Variants in PECR observed in about 807,000 individuals in gnomAD.
PECR encodes the protein 2,4-dienoyl-CoA reductase-related protein.
A neutral mutation model predicts 35.3 loss-of-function variants in PECR; 30 were observed. That is an observed-to-expected ratio of 0.85 (90% CI 0.64 to 1.15). The LOEUF is 1.15. Ranked by LOEUF, PECR falls within the 50% of genes most tolerant of loss-of-function variation. The pLI, the probability that PECR is intolerant of heterozygous loss-of-function variation, is 0.00. For synonymous variants in PECR, 148 were observed against 138.9 expected (o/e 1.07, Z -0.46); for missense variants, 392 against 370.8 (o/e 1.06, Z -0.47).
At chr2:216,033,488 A>T (rs1384560339), downstream of PECR, among the ~76,000 whole-genome samples, 2 of 152,114 alleles carry the variant, frequency 1.3e-5, no homozygotes, top group Admixed American at 6.6e-5. Context: ...AAGAGCCCTG[A>T]AGGAACTGGC....
intron 7 of PECR, among the ~76,000 whole-genome samples, chr2:216,043,672 A>T (rs1488422714): frequency 3.3e-5 from 5 of 152,128 alleles, no homozygotes; most frequent in Non-Finnish European, 7.3e-5. Flanking sequence ...TTCAAATTCC[A>T]CCAACCTATG....
intron 1 of PECR, among the ~76,000 whole-genome samples, chr2:216,076,207 T>G (rs1434925303): frequency 1.3e-5 from 2 of 152,230 alleles, no homozygotes. Flanking sequence ...TTCTCTTTTC[T>G]TTTGAGATGG....
chr2:216,055,148 A>T (rs1471293833), intron 4 of PECR, among the ~76,000 whole-genome samples: 2 of 143,852 alleles, frequency 1.4e-5, no homozygotes, highest in Non-Finnish European at 3.0e-5. Flanking sequence ...ATGTAAAAAC[A>T]ACTTGTAGGC....
At position 216,051,525 on chromosome 2, in the gene PECR, G is replaced by A; in HGVS notation, c.527C>T (p.Ala176Val). 2 of 1,608,802 alleles carry A rather than the reference G, an allele frequency of 1.2e-6. No individual in the cohort carries two copies. Among genetic ancestry groups the A allele is most frequent in the Non-Finnish European group, 1.7e-6 (2 of 1,175,118 alleles). The change falls in exon 5 of 8, where the codon GCA becomes GTA. Residue 176 changes from alanine to valine, a missense_variant. Ala to Val is a moderately conservative substitution (Grantham distance 64, BLOSUM62 0). Transcript: ENST00000265322. ...PLAVHSGAAR[A>V]GVYNLTKSLA... Reference sequence around the variant, plus strand: ...AGATTTGGTGAGGTTGTAAACACCTGCTCTTGCAGCTCCAGAATGCCTTTG... The same window carrying A: ...AGATTTGGTGAGGTTGTAAACACCTACTCTTGCAGCTCCAGAATGCCTTTG...
intron 1 of PECR, among the ~76,000 whole-genome samples, chr2:216,078,131 G>T (rs768979872): frequency 1.3e-5 from 2 of 151,854 alleles, no homozygotes; most frequent in Non-Finnish European, 2.9e-5. Context: ...AAAAACAGTG[G>T]CCTTCTGACT....
chr2:216,042,097 C>T (rs1694897469), intron 7 of PECR, among the ~76,000 whole-genome samples: 1 of 152,202 alleles, frequency 6.6e-6, no homozygotes, highest in Admixed American at 6.5e-5. Context: ...TTTAGAGGCC[C>T]AGACTTGTGA....
intron 3 of PECR, among the ~76,000 whole-genome samples, chr2:216,060,479 G>C (rs10209096): frequency 0.12 from 18,664 of 152,028 alleles, 1,733 homozygotes; most frequent in African/African-American, 0.24. Context: ...CTGGGCAACA[G>C]AGAAAAACTC....
At chr2:216,030,645 C>T (rs556080970) in intron 7 of PECR, among the ~76,000 whole-genome samples, 2 of 151,814 alleles carry the variant, frequency 1.3e-5, no homozygotes, top group Non-Finnish European at 1.5e-5. Flanking sequence ...CAGGTTCAAG[C>T]GATTCTTGTG....
chr2:216,054,042 T>A (rs1559211983), intron 4 of PECR, among the ~76,000 whole-genome samples: 1 of 152,020 alleles, frequency 6.6e-6, no homozygotes, highest in Non-Finnish European at 1.5e-5. Flanking sequence ...CCCAGCACTT[T>A]GGGAGGTTGA....
downstream of PECR, among the ~76,000 whole-genome samples, chr2:216,033,436 T>C (rs187471057): frequency 6.6e-6 from 1 of 152,142 alleles, no homozygotes; most frequent in East Asian, 1.9e-4. Flanking sequence ...TGGACTCCAG[T>C]GCACTCTAAA....
chr2:216,031,835 TA>T (rs1291266373), intron 7 of PECR, among the ~76,000 whole-genome samples: 1 of 152,226 alleles, frequency 6.6e-6, no homozygotes, highest in East Asian at 1.9e-4. Context: ...GTCTCACAGC[TA>T]AATCTCGCAG....
intron 1 of PECR, among the ~76,000 whole-genome samples, chr2:216,078,380 C>T (rs999606299): frequency 6.6e-6 from 1 of 151,890 alleles, no homozygotes; most frequent in African/African-American, 2.4e-5. Context: ...CCCGGTGGCT[C>T]ACAGCACTTT....
At chr2:216,059,074 C>T (rs552111788) in intron 3 of PECR, 98 bp from the exon 4 acceptor site, 20 of 763,358 alleles carry the variant, frequency 2.6e-5, no homozygotes, top group Admixed American at 5.9e-5. Flanking sequence ...ATGTTTTACA[C>T]GTCCATTTAC....
At chr2:216,064,885 T>C (rs149498271) in intron 3 of PECR, among the ~76,000 whole-genome samples, 1 of 152,156 alleles carries the variant, frequency 6.6e-6, no homozygotes, top group African/African-American at 2.4e-5. Flanking sequence ...AACATGACCT[T>C]TAATCCAAAG....
At chr2:216,059,323 A>C (rs1430677900) in intron 3 of PECR, among the ~76,000 whole-genome samples, 1 of 152,138 alleles carries the variant, frequency 6.6e-6, no homozygotes, top group Non-Finnish European at 1.5e-5. Flanking sequence ...CCTTTTCGAA[A>C]ATCTAATGTA....
chr2:216,055,904 G>T (rs1195088778), intron 4 of PECR, among the ~76,000 whole-genome samples: 1 of 152,128 alleles, frequency 6.6e-6, no homozygotes, highest in Middle Eastern at 3.2e-3. Flanking sequence ...TCAAATTTCT[G>T]TGTCTTTACA....
intron 2 of PECR, 31 bp from the exon 3 acceptor site, chr2:216,065,508 G>A (rs1336232013): frequency 1.4e-6 from 2 of 1,421,172 alleles, no homozygotes; most frequent in Admixed American, 1.7e-5. Flanking sequence ...TTACTAAAAG[G>A]AAAAGTTTAA....
Position 216,030,944 on chromosome 2 carries a change from TCTCTCTCTCTCTCACACACA to T in PECR, c.*440+8227_*440+8246del, listed in dbSNP as rs1472516424. Among the ~76,000 whole-genome samples the T allele has an allele frequency of 8.8e-3, 504 of 57,418 alleles. 4 individuals carry two copies. Among genetic ancestry groups the T allele is most frequent in the African/African-American group, 0.023 (486 of 21,220 alleles). The allele number at this position is 57,418 out of a possible 152,430, so 37.7% of individuals were successfully genotyped here. Reference sequence around the variant, plus strand: ...GAGGCCCATTCTCTCTCTCTCTCTCTCTCTCTCTCTCTCACACACACACACACACACACACACACACACAC... The same window carrying T: ...GAGGCCCATTCTCTCTCTCTCTCTCTCACACACACACACACACACACACAC... On this transcript the variant is annotated intron_variant and NMD_transcript_variant, in intron 7 of 7. Coordinates refer to the PECR transcript ENST00000442122.
At chr2:216,029,515 C>A (rs1381222405) in intron 7 of PECR, among the ~76,000 whole-genome samples, 1 of 152,168 alleles carries the variant, frequency 6.6e-6, no homozygotes, top group East Asian at 1.9e-4. Context: ...ACGACAAAGG[C>A]AAAATGATAA....
Sources: allele counts gnomAD v4.1 joint callset (sites outside exome capture counted in the v4.1 genomes callset), GRCh38; gene constraint gnomAD v4.1.1; transcripts MANE v1.5; gene names NCBI Gene and HGNC (gene_info 2026-07-23, HGNC 2026-07-21).